The following SSBP2 variants were observed in gnomAD, a reference collection of about 807,000 sequenced individuals.
SSBP2 encodes single stranded DNA binding protein 2.
A neutral mutation model predicts 61.8 loss-of-function variants in SSBP2; 17 were observed. The observed-to-expected ratio is 0.28, with a 90% CI of 0.19 to 0.41. The LOEUF (loss-of-function observed/expected upper bound fraction) is 0.41. SSBP2 is among the 10% of genes least tolerant of loss of function. The pLI is 1.00. For missense variants in SSBP2, 310 were observed against 458.7 expected, an observed-to-expected ratio of 0.68 and a Z score of 2.96; for synonymous variants, 139 against 141.3, an observed-to-expected ratio of 0.98 and a Z score of 0.12.
At chr5:81,622,701 T>G (rs1182358988) in intron 3 of SSBP2, among the ~76,000 whole-genome samples, 1 of 152,200 alleles carries the variant, frequency 6.6e-6, no homozygotes, top group Non-Finnish European at 1.5e-5. Flanking sequence ...GCACACACGA[T>G]GAGGATACAA....
Position 81,725,815 on chromosome 5 carries a change from G to C in SSBP2, c.62+25166C>G, listed in dbSNP as rs75786056. On this transcript the variant is annotated intron_variant, in intron 1 of 16. Transcript: ENST00000320672. ...TGGAGTTGTGGGGAGGAGGCACTAGGGGAGGAATGGTTAATAATATGAAGC... is the reference window on the plus strand; with the variant it reads ...TGGAGTTGTGGGGAGGAGGCACTAGCGGAGGAATGGTTAATAATATGAAGC... Among the ~76,000 whole-genome samples the C allele has an allele frequency of 4.9e-3, 751 of 152,214 alleles. 2 individuals carry two copies. Among genetic ancestry groups the C allele is most frequent in the African/African-American group, 0.016 (680 of 41,518 alleles).
chr5:81,622,095 T>A (rs1746631721), intron 3 of SSBP2, among the ~76,000 whole-genome samples: 1 of 142,094 alleles, frequency 7.0e-6, no homozygotes. Flanking sequence ...ACCCTAAAAC[T>A]TAGAGTATAA....
At chr5:81,490,153 CAAGTT>C (rs1219680768) in intron 5 of SSBP2, among the ~76,000 whole-genome samples, 1 of 151,566 alleles carries the variant, frequency 6.6e-6, no homozygotes, top group African/African-American at 2.4e-5. Context: ...TATTAAAAGT[CAAGTT>C]AATTTATGTT....
chr5:81,434,893 G>A (rs1339616464), intron 15 of SSBP2, among the ~76,000 whole-genome samples: 2 of 152,158 alleles, frequency 1.3e-5, no homozygotes, highest in Non-Finnish European at 2.9e-5. Context: ...AATCAGTCTG[G>A]GAGTGGAAAG....
At chr5:81,609,663 G>C (rs543508281) in intron 4 of SSBP2, among the ~76,000 whole-genome samples, 1 of 152,274 alleles carries the variant, frequency 6.6e-6, no homozygotes, top group Admixed American at 6.5e-5. Flanking sequence ...AAGCCTGAAA[G>C]CCAAGCTAAA....
intron 11 of SSBP2, among the ~76,000 whole-genome samples, chr5:81,447,710 C>T (rs1195372289): frequency 2.0e-5 from 3 of 152,006 alleles, no homozygotes; most frequent in African/African-American, 7.3e-5. Context: ...TGGCTATAGA[C>T]CTGTCAATTA....
intron 1 of SSBP2, among the ~76,000 whole-genome samples, chr5:81,700,001 C>T (rs540767030): frequency 6.6e-6 from 1 of 151,944 alleles, no homozygotes; most frequent in Non-Finnish European, 1.5e-5. Flanking sequence ...GCCACCACAC[C>T]TAGCTAAATT....
At chr5:81,576,492 C>T (rs1313358933) in intron 4 of SSBP2, among the ~76,000 whole-genome samples, 1 of 151,950 alleles carries the variant, frequency 6.6e-6, no homozygotes, top group African/African-American at 2.4e-5. Context: ...CAGAGAGGTT[C>T]ATTAACAAGA....
At chr5:81,610,919 G>A (rs972701863) in intron 4 of SSBP2, among the ~76,000 whole-genome samples, 3 of 152,158 alleles carry the variant, frequency 2.0e-5, no homozygotes, top group Admixed American at 6.5e-5. Flanking sequence ...GGTTGAACCC[G>A]GGAGGCGGAG....
intron 1 of SSBP2, among the ~76,000 whole-genome samples, chr5:81,702,174 C>T (rs1308278771): frequency 6.6e-6 from 1 of 152,044 alleles, no homozygotes; most frequent in Non-Finnish European, 1.5e-5. Context: ...AGATCAAGAC[C>T]AGCCTGGCCA....
At chr5:81,665,062 T>C (rs1355761165) in intron 1 of SSBP2, among the ~76,000 whole-genome samples, 1 of 152,200 alleles carries the variant, frequency 6.6e-6, no homozygotes, top group Admixed American at 6.5e-5. Flanking sequence ...TGGTTCCATA[T>C]GAATTTTAAA....
intron 6 of SSBP2, among the ~76,000 whole-genome samples, chr5:81,483,659 G>A (rs1766165692): frequency 6.6e-6 from 1 of 151,956 alleles, no homozygotes; most frequent in African/African-American, 2.4e-5. Context: ...CAACACCACT[G>A]TCATTTTATT....
At chr5:81,568,409 T>G (rs1326161525) in intron 4 of SSBP2, among the ~76,000 whole-genome samples, 1 of 152,216 alleles carries the variant, frequency 6.6e-6, no homozygotes, top group Non-Finnish European at 1.5e-5. Context: ...CCTTCTGCCA[T>G]GATTGTGAGG....
At chr5:81,679,326 A>ATTGAC in intron 1 of SSBP2, among the ~76,000 whole-genome samples, 1 of 152,176 alleles carries the variant, frequency 6.6e-6, no homozygotes, top group Non-Finnish European at 1.5e-5. Flanking sequence ...CTTATTCTTC[A>ATTGAC]TTGACCTAAT....
At chr5:81,456,250 G>A (rs183330828) in intron 10 of SSBP2, among the ~76,000 whole-genome samples, 743 of 151,948 alleles carry the variant, frequency 4.9e-3, no homozygotes, top group Non-Finnish European at 7.9e-3. Flanking sequence ...ACAAGTGAGC[G>A]AATTAATGAG....
chr5:81,428,645 G>A lies in SSBP2; in HGVS notation c.996C>T (p.Gly332=), dbSNP rs149755720. 13 of 1,613,248 alleles carry A rather than the reference G, an allele frequency of 8.1e-6. No individual in the cohort carries two copies. The highest frequency in any genetic ancestry group is 1.3e-5 in the African/African-American group (1 of 74,986). The change falls in exon 16 of 17, where the codon GGC becomes GGT. Residue 332 remains glycine (G), a synonymous_variant. Transcript: ENST00000320672. The stretch of plus-strand genomic sequence containing the variant: ...CCATTTCGCCATCATCCCTTGGAGT[G>A]CCCGGTTGATTACTCAGGCTCATAT...
intron 1 of SSBP2, among the ~76,000 whole-genome samples, chr5:81,652,386 CTCTCTA>C (rs142487733): frequency 2.2e-3 from 335 of 152,236 alleles, no homozygotes; most frequent in Non-Finnish European, 3.7e-3. Flanking sequence ...CTCACTTTCT[CTCTCTA>C]TAAGTCTAAA....
intron 1 of SSBP2, among the ~76,000 whole-genome samples, chr5:81,672,921 C>T (rs144471430): frequency 4.4e-4 from 66 of 151,016 alleles, no homozygotes; most frequent in African/African-American, 1.5e-3. Context: ...CAGGCAACCT[C>T]TGCCTCCCAG....
chr5:81,439,826 C>T (rs985228841), intron 14 of SSBP2, among the ~76,000 whole-genome samples: 22 of 151,940 alleles, frequency 1.4e-4, no homozygotes, highest in Admixed American at 7.2e-4. Context: ...CACCCACCAC[C>T]GCGCCTGGCT....
Sources: allele counts gnomAD v4.1 joint callset (sites outside exome capture counted in the v4.1 genomes callset), GRCh38; gene constraint gnomAD v4.1.1; transcripts MANE v1.5; gene names NCBI Gene and HGNC (gene_info 2026-07-23, HGNC 2026-07-21).